UVRAG: variants seen among roughly 807,000 people sequenced by gnomAD.
The protein encoded by UVRAG is UV radiation resistance-associated gene protein.
UVRAG carries 19 observed loss-of-function variants against 78.0 expected under a neutral mutation model. The observed-to-expected ratio is 0.24, with a 90% CI of 0.17 to 0.36. The LOEUF (loss-of-function observed/expected upper bound fraction) is 0.36, where lower values mean the gene tolerates loss of function less well. Ranked by LOEUF, UVRAG falls within the 10% of genes least tolerant of loss-of-function variation. The pLI, the probability that UVRAG is intolerant of heterozygous loss-of-function variation, is 1.00. For synonymous variants in UVRAG, 323 were observed against 324.6 expected (o/e 1.00, Z 0.05); for missense variants, 740 against 853.8 (o/e 0.87, Z 1.66).
At chr11:76,043,985 T>C (rs1170231390) in intron 12 of UVRAG, among the ~76,000 whole-genome samples, 2 of 152,184 alleles carry the variant, frequency 1.3e-5, no homozygotes, top group African/African-American at 2.4e-5. Context: ...AAATTTTATT[T>C]TCAGGCATAA....
intron 6 of UVRAG, among the ~76,000 whole-genome samples, chr11:75,936,678 C>G (rs974773097): frequency 3.0e-4 from 46 of 152,136 alleles, no homozygotes; most frequent in African/African-American, 1.1e-3. Flanking sequence ...CTCATATTCC[C>G]TTTGCCCCTG....
At chr11:75,877,525 C>A (rs1946820335) in intron 3 of UVRAG, among the ~76,000 whole-genome samples, 1 of 146,056 alleles carries the variant, frequency 6.8e-6, no homozygotes, top group Non-Finnish European at 1.5e-5. Context: ...CCCCCCACCT[C>A]CCTCCCGGAC....
At chr11:76,078,392 A>G (rs571123627) in intron 13 of UVRAG, among the ~76,000 whole-genome samples, 35 of 152,232 alleles carry the variant, frequency 2.3e-4, no homozygotes, top group Non-Finnish European at 8.8e-5. Flanking sequence ...GGATAGACCC[A>G]TATCATAATT....
At chr11:75,993,334 G>A (rs1008368969) in intron 8 of UVRAG, among the ~76,000 whole-genome samples, 3 of 152,226 alleles carry the variant, frequency 2.0e-5, no homozygotes, top group African/African-American at 4.8e-5. Context: ...ACACTCATAC[G>A]TTTTCCCTTC....
intron 9 of UVRAG, 102 bp from the exon 10 acceptor site, chr11:76,007,432 C>T: frequency 1.1e-6 from 1 of 904,696 alleles, no homozygotes; most frequent in South Asian, 1.6e-5. Flanking sequence ...TGGCCTATTA[C>T]AGACAGTATA....
intron 5 of UVRAG, among the ~76,000 whole-genome samples, chr11:75,904,193 T>C (rs1477929521): frequency 6.6e-6 from 1 of 152,244 alleles, no homozygotes; most frequent in Non-Finnish European, 1.5e-5. Context: ...GAAATACACC[T>C]GACTTGCCTG....
At chr11:76,030,404 T>C (rs1950414290) in intron 12 of UVRAG, among the ~76,000 whole-genome samples, 1 of 152,152 alleles carries the variant, frequency 6.6e-6, no homozygotes, top group African/African-American at 2.4e-5. Flanking sequence ...GTACTTCAAA[T>C]AGGCCGAGAG....
chr11:75,957,378 G>A (rs1948820394), intron 6 of UVRAG, among the ~76,000 whole-genome samples: 2 of 150,420 alleles, frequency 1.3e-5, no homozygotes, highest in Non-Finnish European at 3.0e-5. Flanking sequence ...ATATGTGTAG[G>A]ATTATTATGA....
intron 14 of UVRAG, among the ~76,000 whole-genome samples, chr11:76,138,664 G>A (rs7105214): frequency 0.014 from 2,061 of 152,294 alleles, 54 homozygotes; most frequent in African/African-American, 0.047. Flanking sequence ...GGATGGCAGC[G>A]CAGGGTCACA....
chr11:75,962,601 G>A (rs1948930397), intron 7 of UVRAG, among the ~76,000 whole-genome samples: 1 of 152,086 alleles, frequency 6.6e-6, no homozygotes, highest in Non-Finnish European at 1.5e-5. Context: ...GACTTTCCTT[G>A]TCTATAAAAA....
Position 75,860,413 on chromosome 11 carries a change from T to C in UVRAG, c.236-1333T>C, listed in dbSNP as rs147385071. Among the ~76,000 whole-genome samples the C allele has an allele frequency of 7.7e-3, 1,166 of 152,376 alleles. 24 individuals carry two copies. Among genetic ancestry groups the C allele is most frequent in the African/African-American group, 0.027 (1,117 of 41,598 alleles). On this transcript the variant is annotated intron_variant, in intron 2 of 14. Transcript: ENST00000356136. ...CTTGTGTTTTTCACTGACTTAACAG[T>C]AATATATACTTTAATTCAAACAACA... is the stretch of plus-strand genomic sequence containing the variant.
intron 1 of UVRAG, chr11:75,837,435 C>T (rs956802801): frequency 1.3e-5 from 2 of 151,902 alleles, no homozygotes; most frequent in African/African-American, 4.8e-5. Flanking sequence ...TAAATCATCT[C>T]TAGATTACTT....
intron 7 of UVRAG, among the ~76,000 whole-genome samples, chr11:75,966,823 G>A (rs1159997867): frequency 6.6e-6 from 1 of 152,212 alleles, no homozygotes; most frequent in Non-Finnish European, 1.5e-5. Flanking sequence ...TCAGATTACA[G>A]TGTAGTTCTT....
intron 1 of UVRAG, among the ~76,000 whole-genome samples, chr11:75,826,272 C>T (rs1425483404): frequency 6.6e-6 from 1 of 152,174 alleles, no homozygotes; most frequent in Non-Finnish European, 1.5e-5. Flanking sequence ...TCTCCTGCCT[C>T]AGCCTCCAGA....
chr11:75,875,681 A>G (rs1378906591), intron 3 of UVRAG, among the ~76,000 whole-genome samples: 1 of 150,464 alleles, frequency 6.6e-6, no homozygotes, highest in Non-Finnish European at 1.5e-5. Context: ...TCTTCTTCCA[A>G]GGAAGGTTCT....
chr11:75,882,536 G>T (rs1023035976), intron 4 of UVRAG, among the ~76,000 whole-genome samples: 66 of 150,714 alleles, frequency 4.4e-4, no homozygotes, highest in African/African-American at 1.6e-3. Context: ...AATTTTTTTT[G>T]AAAATCTAAA....
At chr11:75,996,496 T>C (rs576898104) in intron 8 of UVRAG, among the ~76,000 whole-genome samples, 6 of 152,206 alleles carry the variant, frequency 3.9e-5, no homozygotes, top group African/African-American at 1.4e-4. Context: ...AATATAAACA[T>C]GATAATCAGA....
At chr11:75,861,684 CAGTT>C in intron 2 of UVRAG, 58 bp from the exon 3 acceptor site, 1 of 1,224,648 alleles carries the variant, frequency 8.2e-7, no homozygotes, top group Non-Finnish European at 1.2e-6. Flanking sequence ...AGAGGATTAA[CAGTT>C]GGTTAATGGG....
At chr11:75,996,872 A>G (rs1386158644) in intron 8 of UVRAG, among the ~76,000 whole-genome samples, 1 of 152,188 alleles carries the variant, frequency 6.6e-6, no homozygotes, top group Non-Finnish European at 1.5e-5. Flanking sequence ...GTTCTTAAGA[A>G]CTAATATTAG....
Sources: gnomAD v4.1 joint callset for allele counts (sites outside exome capture counted in the v4.1 genomes callset) on GRCh38, gnomAD v4.1.1 for gene constraint, MANE v1.5 for transcripts, NCBI Gene and HGNC (gene_info 2026-07-23, HGNC 2026-07-21) for gene names.